The following NUTM1 variants were observed in gnomAD, a reference collection of about 807,000 sequenced individuals.
NUTM1 encodes NUT midline carcinoma family member 1, also known as NUT family member 1.
In NUTM1, 39 loss-of-function variants were observed where a neutral mutation model predicts 88.7. The observed-to-expected ratio is 0.44, with a 90% confidence interval of 0.34 to 0.57. NUTM1 has a LOEUF of 0.57. Ranked by LOEUF, NUTM1 falls within the 20% of genes least tolerant of loss-of-function variation. The pLI is 0.01. For synonymous variants in NUTM1, 494 were observed against 538.0 expected (o/e 0.92, Z 1.13); for missense variants, 1,350 against 1,414.5 (o/e 0.95, Z 0.73).
chr15:34,354,830 G>A, intron 6 of NUTM1, 98 bp downstream of exon 6: 2 of 1,254,952 alleles, frequency 1.6e-6, no homozygotes, highest in East Asian at 4.6e-5. Context: ...TAGGACTTAG[G>A]TTTTATTCTA....
rs773134684 is a variant in NUTM1, at chr15:34,353,736, G to A, written c.939G>A (p.Arg313=). The part of the protein sequence containing the change: ...DRMIFYEMAE[R]FMEFEAEEMQ... The stretch of plus-strand genomic sequence containing the variant: ...CCTATGCCTTTCTCACCCTCTGCAG[G>A]TTCATGGAGTTTGAGGCTGAGGAGA... The change falls in exon 5 of 8, where the codon AGG becomes AGA. Residue 313 remains arginine, a splice_region_variant and synonymous_variant. Transcript: ENST00000537011. 9 of 1,613,980 alleles carry A rather than the reference G, an allele frequency of 5.6e-6. No individual in the cohort carries two copies. In the Admixed American group the frequency reaches 1.0e-4, roughly 18 times the overall value.
At chr15:34,351,381 C>CAAAAA (rs541718460) in intron 4 of NUTM1, among the ~76,000 whole-genome samples, 2 of 80,954 alleles carry the variant, frequency 2.5e-5, no homozygotes, top group East Asian at 3.1e-4. Flanking sequence ...GACCTCATCA[C>CAAAAA]AAAAAAAAAA....
In NUTM1 at chr15:34,355,287, C is replaced by T. The variant is rs1404461557; in HGVS notation, c.1479+150C>T. The T allele has an allele frequency of 4.0e-6, 3 of 744,312 alleles. No individual in the cohort carries two copies. The highest frequency in any genetic ancestry group is 6.8e-6 in the Non-Finnish European group (3 of 442,870). The allele number at this position is 744,312 out of a possible 1,614,324, so 46.1% of individuals were successfully genotyped here. A position where few individuals can be genotyped will look rare whatever the true frequency, so the allele number is the denominator to read the frequency against. ...GAGTAGGTAGAGGGCTATGGAAACA[C>T]AGGAAATGAGAATGTAAGGGCTCAA... On this transcript the variant is annotated intron_variant, in intron 7 of 7. Transcript: ENST00000537011. The surrounding 1 kb of genome is among the most constrained non-coding windows in gnomAD (Gnocchi z 4.3).
Position 34,355,912 on chromosome 15 carries a change from CT to C in NUTM1, c.1905del (p.His637ThrfsTer43). The C allele has an allele frequency of 6.2e-7, 1 of 1,613,970 alleles. No homozygotes were observed. ...GGCCATCTAGGAGGCGCTGGGCCTC[CT>C]GGGCACTGCCTGGTGGCTGATAGGA... ...QDGHLGGAGP[P>X]GHCLVADRTS... On this transcript the variant is annotated frameshift_variant, in exon 8 of 8. Coordinates refer to ENST00000537011, the MANE Select transcript of NUTM1 (RefSeq NM_001284292.2). LOFTEE classifies it high-confidence loss of function. The surrounding 1 kb of genome is among the most constrained non-coding windows in gnomAD (Gnocchi z 4.3).
At chr15:34,347,795 G>A (rs1445640062) in intron 2 of NUTM1, among the ~76,000 whole-genome samples, 174 bp from the exon 3 acceptor site, 1 of 152,072 alleles carries the variant, frequency 6.6e-6, no homozygotes, top group Non-Finnish European at 1.5e-5. Context: ...GGAGATTGCA[G>A]TGAGCCGAGA....
At position 34,350,662 on chromosome 15, in the gene NUTM1, G is replaced by A. The variant is rs777222263; in HGVS notation, c.810-42G>A. ...TGTAGGTGTCAGGGCAGGTGGATGG[G>A]AGCACACTTTTAGAATGTGACTGAC... On this transcript the variant is annotated intron_variant, in intron 3 of 7. Coordinates refer to ENST00000537011, the MANE Select transcript of NUTM1 (RefSeq NM_001284292.2). 9.4e-6 allele frequency: 15 copies of A among 1,597,910 alleles called. No individual in the cohort carries two copies. In the East Asian group the frequency reaches 1.8e-4, roughly 19 times the overall value.
Position 34,355,465 on chromosome 15 carries a change from G to T in NUTM1, c.1480-23G>T. On this transcript the variant is annotated intron_variant, in intron 7 of 7. Transcript: ENST00000537011. The surrounding 1 kb of genome is among the most constrained non-coding windows in gnomAD (Gnocchi z 4.3). ...CTCTTTCACAACCACGTATAGAACT[G>T]ACTATTTGTTCATTTCTTTCAGCTG... The T allele has an allele frequency of 6.2e-7, 1 of 1,613,368 alleles. No individual in the cohort carries two copies. The highest frequency in any genetic ancestry group is 1.1e-5 in the South Asian group (1 of 90,988).
At position 34,356,251 on chromosome 15, in the gene NUTM1, C is replaced by T. The variant is rs1250401673; in HGVS notation, c.2243C>T (p.Pro748Leu). ...GAGAGGGACGATGTCTGTCTCAGCC[C>T]AGGAGTTTGGCTGAGCAGTGAGATG... ...AGERDDVCLS[P>L]GVWLSSEMDA... Residue 748 changes from proline (P) to leucine (L), a missense_variant, in exon 8 of 8, where the codon CCA (proline) becomes CTA (leucine). Transcript: ENST00000537011. The T allele has an allele frequency of 1.9e-6, 3 of 1,609,846 alleles. No homozygotes were observed. In the South Asian group the frequency reaches 3.3e-5, roughly 18 times the overall value.
chr15:34,356,791 C>G lies in NUTM1; in HGVS notation c.2783C>G (p.Pro928Arg), dbSNP rs765491442. ...SFSPLLETIE[P>R]VNILDVKDDC... ...TCTCCTCTGTTGGAAACCATAGAAC[C>G]TGTCAACATACTAGATGTTAAAGAT... The change falls in exon 8 of 8, where the codon CCT becomes CGT. Residue 928 changes from proline to arginine, a missense_variant. Physicochemically the swap from Pro to Arg is moderately radical, Grantham distance 103. This residue lies in a region of NUTM1 where 730 missense variants were observed against 728.8 expected (regional missense o/e 1.00). Transcript: ENST00000537011. The G allele has an allele frequency of 1.9e-6, 3 of 1,611,684 alleles. No homozygotes were observed. In the South Asian group the frequency reaches 3.3e-5, roughly 18 times the overall value.
rs1416600027 is a variant in NUTM1, at chr15:34,355,185, T to C, written c.1479+48T>C. 8.1e-7 allele frequency: 1 copy of C among 1,237,656 alleles called. No individual in the cohort carries two copies. 76.7% of individuals were successfully genotyped at this position (1,237,656 alleles called of 1,614,324 possible). On this transcript the variant is annotated intron_variant, in intron 7 of 7. Coordinates refer to ENST00000537011, the MANE Select transcript of NUTM1 (RefSeq NM_001284292.2). This position sits in a 1 kb window ranked among gnomAD's most constrained non-coding sequence, Gnocchi z 4.3. The stretch of plus-strand genomic sequence containing the variant: ...ATGAGAACGAGAAGCTTGCAAGATT[T>C]TATCTAACCCTACACTGTCGTGGGT...
rs765255268 is a variant in NUTM1, at chr15:34,356,252, A to C, written c.2244A>C (p.Pro748=). The C allele has an allele frequency of 1.7e-5, 27 of 1,610,616 alleles. No individual in the cohort carries two copies. Among genetic ancestry groups the C allele is most frequent in the Non-Finnish European group, 2.3e-5 (27 of 1,177,980 alleles). ...AGAGGGACGATGTCTGTCTCAGCCC[A>C]GGAGTTTGGCTGAGCAGTGAGATGG... ...AGERDDVCLS[P]GVWLSSEMDA... The change falls in exon 8 of 8, where the codon CCA becomes CCC. Residue 748 remains proline (P), a synonymous_variant. Transcript: ENST00000537011.
At chr15:34,347,931 T>G in intron 2 of NUTM1, 38 bp from the exon 3 acceptor site, 1 of 1,300,380 alleles carries the variant, frequency 7.7e-7, no homozygotes. Flanking sequence ...GGTCTTCTTT[T>G]CTCCTACTCC....
At position 34,355,715 on chromosome 15, in the gene NUTM1, G is replaced by A; in HGVS notation, c.1707G>A (p.Glu569=). Reference sequence around the variant, plus strand: ...CAAGAGAAGTGCATGGTGGGCAGGAGCAAGCCCTAGATAGCCCCAGAGGGA... The same window carrying A: ...CAAGAGAAGTGCATGGTGGGCAGGAACAAGCCCTAGATAGCCCCAGAGGGA... ...KRAREVHGGQ[E]QALDSPRGMH... The change falls in exon 8 of 8, where the codon GAG becomes GAA. Residue 569 remains glutamate, a synonymous_variant. Transcript: ENST00000537011. The surrounding 1 kb of genome is among the most constrained non-coding windows in gnomAD (Gnocchi z 4.3). 1 of 1,612,068 alleles carries A rather than the reference G, an allele frequency of 6.2e-7. No individual in the cohort carries two copies. Among genetic ancestry groups the A allele is most frequent in the Non-Finnish European group, 8.5e-7 (1 of 1,178,810 alleles).
intron 3 of NUTM1, 109 bp from the exon 4 acceptor site, chr15:34,350,595 G>A (rs1890686001): frequency 7.3e-7 from 1 of 1,374,446 alleles, no homozygotes; most frequent in African/African-American, 1.4e-5. Flanking sequence ...AGGCCCTAAG[G>A]GGCACAATAG....
Position 34,355,886 on chromosome 15 carries a change from T to A in NUTM1, c.1878T>A (p.Asp626Glu). The change falls in exon 8 of 8, where the codon GAT becomes GAA. Residue 626 changes from aspartate (D) to glutamate (E), a missense_variant. Physicochemically the swap from Asp to Glu is conservative, Grantham distance 45. Around this residue, in one of 5 missense-constraint regions of NUTM1, gnomAD observed 730 missense variants for 728.8 expected, o/e 1.00. Coordinates refer to ENST00000537011, the MANE Select transcript of NUTM1 (RefSeq NM_001284292.2). This position sits in a 1 kb window ranked among gnomAD's most constrained non-coding sequence, Gnocchi z 4.3. ...TAAACCAGGTATCTCTACATCAGGA[T>A]GGCCATCTAGGAGGCGCTGGGCCTC... ...KVINQVSLHQ[D>E]GHLGGAGPPG... The A allele has an allele frequency of 6.2e-7, 1 of 1,613,902 alleles. No individual in the cohort carries two copies. The highest frequency in any genetic ancestry group is 8.5e-7 in the Non-Finnish European group (1 of 1,179,948).
chr15:34,351,325 A>ATGGTTTGGG (rs1414000048), intron 4 of NUTM1, among the ~76,000 whole-genome samples: 1 of 129,886 alleles, frequency 7.7e-6, no homozygotes, highest in Non-Finnish European at 1.6e-5. Context: ...AGGTGGGAGG[A>ATGGTTTGGG]TGGTTTGGGT....
Position 34,353,635 on chromosome 15 carries a change from T to A in NUTM1, c.939-101T>A, listed in dbSNP as rs1595612264. ...ATGACTTAGGCAGACTTTGCCCACC[T>A]GAGAGCACTTCCTTTCTTGGCCATG... On this transcript the variant is annotated intron_variant, in intron 4 of 7. Coordinates refer to ENST00000537011, the MANE Select transcript of NUTM1 (RefSeq NM_001284292.2). The A allele has an allele frequency of 1.2e-5, 18 of 1,453,210 alleles. No homozygotes were observed. The East Asian group carries it at 4.1e-4, about 33-fold the overall frequency. The allele number at this position is 1,453,210 out of a possible 1,614,324, so 90.0% of individuals were successfully genotyped here.
Position 34,355,144 on chromosome 15 carries a change from CTG to C in NUTM1, c.1479+8_1479+9del. 6.5e-7 allele frequency: 1 copy of C among 1,545,702 alleles called. No homozygotes were observed. The highest frequency in any genetic ancestry group is 8.9e-7 in the Non-Finnish European group (1 of 1,117,862). On this transcript the variant is annotated splice_region_variant and intron_variant, in intron 7 of 7. Transcript: ENST00000537011. This position sits in a 1 kb window ranked among gnomAD's most constrained non-coding sequence, Gnocchi z 4.3. Reference sequence around the variant, plus strand: ...AGGACTCACTCTTGCCCAGGTAAAACTGGGGTATAGGAAATATGAGAACGAGA... The same window carrying C: ...AGGACTCACTCTTGCCCAGGTAAAACGGGTATAGGAAATATGAGAACGAGA...
In NUTM1 at chr15:34,355,465, G is replaced by A. The variant is rs1327667283; in HGVS notation, c.1480-23G>A. On this transcript the variant is annotated intron_variant, in intron 7 of 7. Coordinates refer to ENST00000537011, the MANE Select transcript of NUTM1 (RefSeq NM_001284292.2). The surrounding 1 kb of genome is among the most constrained non-coding windows in gnomAD (Gnocchi z 4.3). Reference sequence around the variant, plus strand: ...CTCTTTCACAACCACGTATAGAACTGACTATTTGTTCATTTCTTTCAGCTG... The same window carrying A: ...CTCTTTCACAACCACGTATAGAACTAACTATTTGTTCATTTCTTTCAGCTG... The A allele has an allele frequency of 3.7e-6, 6 of 1,613,252 alleles. No individual in the cohort carries two copies. Among genetic ancestry groups the A allele is most frequent in the Non-Finnish European group, 5.1e-6 (6 of 1,179,652 alleles).
Sources: allele counts gnomAD v4.1 joint callset (sites outside exome capture counted in the v4.1 genomes callset), GRCh38; gene constraint gnomAD v4.1.1; regional missense constraint gnomAD v4.1.1; non-coding constraint Gnocchi (gnomAD v3.1); transcripts MANE v1.5; gene names NCBI Gene and HGNC (gene_info 2026-07-23, HGNC 2026-07-21).